The following LYAR variants were observed in gnomAD, a reference collection of about 807,000 sequenced individuals.
LYAR encodes Ly1 antibody reactive.
LYAR carries 37 observed loss-of-function variants against 45.2 expected under a neutral mutation model. The observed-to-expected ratio is 0.82, with a 90% confidence interval of 0.63 to 1.08. The LOEUF is 1.08. LYAR is among the 50% of genes least tolerant of loss of function. The pLI is 0.00. For missense variants in LYAR, 493 were observed against 451.0 expected (o/e 1.09, Z -0.84); for synonymous variants, 176 against 155.1 (o/e 1.14, Z -1.00).
At chr4:4,288,670 G>A (rs1719722869) in intron 1 of LYAR, among the ~76,000 whole-genome samples, 1 of 152,046 alleles carries the variant, frequency 6.6e-6, no homozygotes, top group Non-Finnish European at 1.5e-5. Context: ...ATTTTTAGTA[G>A]AGACGGAGTT....
chr4:4,288,756 G>GA (rs1719728530), intron 1 of LYAR, among the ~76,000 whole-genome samples: 1 of 152,160 alleles, frequency 6.6e-6, no homozygotes, highest in African/African-American at 2.4e-5. Flanking sequence ...AAAGTGCTCG[G>GA]ATGACAGGCA....
At chr4:4,285,398 C>T (rs1719565765) in intron 2 of LYAR, among the ~76,000 whole-genome samples, 1 of 152,032 alleles carries the variant, frequency 6.6e-6, no homozygotes, top group African/African-American at 2.4e-5. Flanking sequence ...CAACCCAGCT[C>T]CCTCAAAGCT....
intron 6 of LYAR, among the ~76,000 whole-genome samples, chr4:4,278,101 A>C (rs1003699905): frequency 7.9e-5 from 12 of 152,240 alleles, no homozygotes; most frequent in Non-Finnish European, 1.6e-4. Context: ...ATTCTTAGTT[A>C]AAACAGAAAT....
intron 4 of LYAR, 52 bp from the exon 5 acceptor site, chr4:4,279,801 T>C (rs1482926797): frequency 1.6e-6 from 2 of 1,227,842 alleles, no homozygotes; most frequent in African/African-American, 1.5e-5. Context: ...CCAACATGAG[T>C]TTCATGAAAG....
In LYAR at chr4:4,274,682, T is replaced by C. The variant is rs560655370; in HGVS notation, c.517A>G (p.Lys173Glu). Reference sequence around the variant, plus strand: ...TGCTGTTCCACGGCGTCTTTCACTTTGGAGGCTGGAACCTTGGTGGAGATT... The same window carrying C: ...TGCTGTTCCACGGCGTCTTTCACTTCGGAGGCTGGAACCTTGGTGGAGATT... ...AEISTKVPASKVKDAVEQQGE... is the reference protein window; with the variant it reads ...AEISTKVPASEVKDAVEQQGE... Residue 173 changes from lysine (K) to glutamate (E), a missense_variant, in exon 7 of 10, where the codon AAA (lysine) becomes GAA (glutamate). Lys to Glu is a moderately conservative substitution (Grantham distance 56, BLOSUM62 1). Coordinates refer to ENST00000343470, the MANE Select transcript of LYAR (RefSeq NM_017816.3). The C allele has an allele frequency of 6.2e-7, 1 of 1,614,148 alleles. No individual in the cohort carries two copies. The highest frequency in any genetic ancestry group is 1.1e-5 in the South Asian group (1 of 91,060).
intron 8 of LYAR, among the ~76,000 whole-genome samples, chr4:4,271,705 G>T (rs979878767): frequency 3.3e-5 from 5 of 152,210 alleles, no homozygotes; most frequent in Non-Finnish European, 7.3e-5. Context: ...TCTTAGAAAA[G>T]AAAGAATATG....
chr4:4,268,425 A>T (rs939298020), intron 9 of LYAR, 105 bp downstream of exon 9: 21 of 782,020 alleles, frequency 2.7e-5, no homozygotes, highest in Non-Finnish European at 4.5e-5. Flanking sequence ...ACACACACAC[A>T]GATTTTCAGT....
intron 6 of LYAR, 134 bp from the exon 7 acceptor site, chr4:4,274,903 T>C: frequency 1.3e-6 from 1 of 786,908 alleles, no homozygotes; most frequent in South Asian, 1.9e-5. Context: ...GTTTTATAAC[T>C]GTGACCCCCA....
intron 2 of LYAR, among the ~76,000 whole-genome samples, chr4:4,285,682 CA>C (rs1309756720): frequency 6.6e-6 from 1 of 152,200 alleles, no homozygotes; most frequent in African/African-American, 2.4e-5. Context: ...CAACAAAAAA[CA>C]GTCTCTGAAA....
intron 8 of LYAR, among the ~76,000 whole-genome samples, chr4:4,271,967 C>T (rs2920220): frequency 7.6e-4 from 115 of 152,064 alleles, no homozygotes; most frequent in African/African-American, 2.4e-3. Flanking sequence ...AAACGCTGAG[C>T]GAAGAGTCAG....
intron 9 of LYAR, among the ~76,000 whole-genome samples, chr4:4,268,269 A>C (rs1440218618): frequency 6.7e-6 from 1 of 149,224 alleles, no homozygotes; most frequent in African/African-American, 2.6e-5. Context: ...TAGGCAAAAG[A>C]GAGCAAATAT....
At chr4:4,269,857 A>T (rs900174453) in intron 8 of LYAR, among the ~76,000 whole-genome samples, 1 of 152,238 alleles carries the variant, frequency 6.6e-6, no homozygotes, top group Non-Finnish European at 1.5e-5. Flanking sequence ...CACGTAAACT[A>T]TGTGAGGTGA....
chr4:4,275,107 A>G (rs1719126393), intron 6 of LYAR, among the ~76,000 whole-genome samples: 1 of 152,228 alleles, frequency 6.6e-6, no homozygotes. Context: ...TAGGGGTGGT[A>G]GAAACCACTG....
chr4:4,268,688 G>C (rs878922535), intron 8 of LYAR, 73 bp from the exon 9 acceptor site: 1 of 934,034 alleles, frequency 1.1e-6, no homozygotes, highest in East Asian at 2.6e-5. Context: ...AACAACTTCT[G>C]CAACACCTAT....
intron 6 of LYAR, among the ~76,000 whole-genome samples, chr4:4,276,392 G>C (rs902913260): frequency 2.0e-5 from 3 of 152,102 alleles, no homozygotes; most frequent in African/African-American, 7.2e-5. Context: ...AGACCTTAAG[G>C]CTCGATCCTT....
chr4:4,273,441 G>T, intron 8 of LYAR, 142 bp downstream of exon 8: 1 of 605,222 alleles, frequency 1.7e-6, no homozygotes. Flanking sequence ...CTCGCTTTTT[G>T]AAAGTGGTAC....
chr4:4,274,254 A>C, intron 7 of LYAR, 113 bp downstream of exon 7: 1 of 1,225,908 alleles, frequency 8.2e-7, no homozygotes, highest in East Asian at 2.4e-5. Flanking sequence ...ACAAAAAAAA[A>C]AAAAACCACA....
chr4:4,288,905 C>T lies in LYAR; in HGVS notation c.-108+1131G>A, dbSNP rs537382565. On this transcript the variant is annotated intron_variant, in intron 1 of 9. Coordinates refer to ENST00000343470, the MANE Select transcript of LYAR (RefSeq NM_017816.3). Reference sequence around the variant, plus strand: ...TAGCTGGCAACCCCAGGATATCCCCCACTGAACACTGTGACCCTGAGCATG... The same window carrying T: ...TAGCTGGCAACCCCAGGATATCCCCTACTGAACACTGTGACCCTGAGCATG... Among the ~76,000 whole-genome samples the T allele has an allele frequency of 2.0e-5, 3 of 152,350 alleles. No individual in the cohort carries two copies. In the South Asian group the frequency reaches 6.2e-4, roughly 32 times the overall value.
intron 3 of LYAR, 64 bp downstream of exon 3, chr4:4,283,557 G>T: frequency 1.3e-6 from 2 of 1,532,932 alleles, no homozygotes; most frequent in Non-Finnish European, 1.8e-6. Context: ...AAGCTTTGTG[G>T]CGCCAAGGCT....
Sources: allele counts gnomAD v4.1 joint callset (sites outside exome capture counted in the v4.1 genomes callset), GRCh38; gene constraint gnomAD v4.1.1; transcripts MANE v1.5; gene names NCBI Gene and HGNC (gene_info 2026-07-23, HGNC 2026-07-21).